F13A1: variants seen among roughly 807,000 people sequenced by gnomAD.
The protein encoded by F13A1 is coagulation factor XIII A chain.
F13A1 carries 47 observed loss-of-function variants against 80.1 expected under a neutral mutation model. The observed-to-expected ratio is 0.59, with a 90% CI of 0.46 to 0.75. F13A1 has a LOEUF of 0.75. Among genes scored for constraint, F13A1 ranks in the 30% least tolerant of loss-of-function variants. The pLI, the probability that F13A1 is intolerant of heterozygous loss-of-function variation, is 0.00. For missense variants in F13A1, 817 were observed against 930.4 expected (o/e 0.88, Z 1.59); for synonymous variants, 349 against 344.9 (o/e 1.01, Z -0.13).
intron 3 of F13A1, among the ~76,000 whole-genome samples, chr6:6,285,118 G>A (rs182467677): frequency 1.2e-4 from 19 of 152,210 alleles, no homozygotes; most frequent in Non-Finnish European, 1.9e-4. Flanking sequence ...GCCTGGTGGC[G>A]GGCACCTGTA....
intron 14 of F13A1, 48 bp from the exon 15 acceptor site, chr6:6,145,820 C>G: frequency 6.2e-7 from 1 of 1,613,494 alleles, no homozygotes; most frequent in Non-Finnish European, 8.5e-7. Context: ...CAGCTTTCCA[C>G]TTTGATCAGG....
chr6:6,296,343 G>T (rs1758327504), intron 3 of F13A1, among the ~76,000 whole-genome samples: 1 of 148,488 alleles, frequency 6.7e-6, no homozygotes, highest in South Asian at 2.1e-4. Flanking sequence ...GGGCAGTATG[G>T]CCATTTTCAC....
intron 10 of F13A1, among the ~76,000 whole-genome samples, chr6:6,186,175 C>T (rs1761077340): frequency 1.3e-5 from 2 of 149,230 alleles, no homozygotes; most frequent in Non-Finnish European, 3.0e-5. Context: ...TGTAGGTTGC[C>T]TGTTCACTCT....
At chr6:6,170,930 C>T (rs920464581) in intron 12 of F13A1, among the ~76,000 whole-genome samples, 1 of 152,172 alleles carries the variant, frequency 6.6e-6, no homozygotes, top group African/African-American at 2.4e-5. Context: ...CTCCAGTTCC[C>T]TTCAAGTTAT....
intron 3 of F13A1, among the ~76,000 whole-genome samples, chr6:6,296,974 C>G (rs1758338669): frequency 2.7e-5 from 4 of 146,454 alleles, no homozygotes; most frequent in African/African-American, 8.1e-5. Context: ...TGAATTTTGT[C>G]AAAGGCCTTT....
chr6:6,318,761 G>C, intron 1 of F13A1, 79 bp from the exon 2 acceptor site: 1 of 1,472,292 alleles, frequency 6.8e-7, no homozygotes, highest in East Asian at 2.3e-5. Flanking sequence ...TTCCAAAATA[G>C]AGAAACAGAT....
At position 6,145,613 on chromosome 6, in the gene F13A1, G is replaced by T; in HGVS notation, c.*6C>A. ...ATGCCAGGGTTCATCTCAGCTTCCT[G>T]TGCATTCACATGGAAGGTCGTCTTT... On this transcript the variant is annotated 3_prime_UTR_variant, in exon 15 of 15. Transcript: ENST00000264870. 3 of 1,614,108 alleles carry T rather than the reference G, an allele frequency of 1.9e-6. No homozygotes were observed. In the South Asian group the frequency reaches 3.3e-5, roughly 18 times the overall value.
chr6:6,172,108 C>G (rs566604707), intron 12 of F13A1, among the ~76,000 whole-genome samples: 4 of 152,282 alleles, frequency 2.6e-5, no homozygotes, highest in Non-Finnish European at 5.9e-5. Flanking sequence ...AAAACAGAAC[C>G]TGGACTTGCA....
chr6:6,294,579 C>T (rs1411846796), intron 3 of F13A1, among the ~76,000 whole-genome samples: 2 of 151,912 alleles, frequency 1.3e-5, no homozygotes, highest in African/African-American at 4.8e-5. Flanking sequence ...TACAAACACA[C>T]ACACACACAT....
chr6:6,246,678 G>A (rs1475785993), intron 6 of F13A1, among the ~76,000 whole-genome samples: 1 of 152,118 alleles, frequency 6.6e-6, no homozygotes, highest in Non-Finnish European at 1.5e-5. Flanking sequence ...AACAGCTTCC[G>A]CTTAGCCAGC....
intron 10 of F13A1, among the ~76,000 whole-genome samples, chr6:6,182,389 A>G (rs1488356536): frequency 6.6e-6 from 1 of 152,152 alleles, no homozygotes; most frequent in Non-Finnish European, 1.5e-5. Flanking sequence ...AGAAGCAACC[A>G]TTTTTCTCCC....
chr6:6,218,483 G>A (rs1178923261), intron 8 of F13A1, among the ~76,000 whole-genome samples: 5 of 152,186 alleles, frequency 3.3e-5, no homozygotes, highest in South Asian at 2.1e-4. Flanking sequence ...GGGGACAGGC[G>A]GCCGAAATTG....
intron 5 of F13A1, among the ~76,000 whole-genome samples, chr6:6,249,895 A>G (rs949924051): frequency 6.6e-6 from 1 of 152,308 alleles, no homozygotes; most frequent in East Asian, 1.9e-4. Context: ...AGCACTGGGC[A>G]TGTAATTCTC....
intron 11 of F13A1, among the ~76,000 whole-genome samples, chr6:6,177,403 T>G (rs1350813538): frequency 1.3e-5 from 2 of 152,206 alleles, no homozygotes; most frequent in Non-Finnish European, 2.9e-5. Flanking sequence ...TACTAGTTAC[T>G]GTGTGACATT....
intron 8 of F13A1, among the ~76,000 whole-genome samples, chr6:6,199,299 T>C (rs62408015): frequency 3.3e-5 from 5 of 151,922 alleles, no homozygotes; most frequent in South Asian, 2.1e-4. Context: ...ACCATCCTGG[T>C]TAACACGGTG....
rs569234536 is a variant in F13A1, at chr6:6,212,079, C to A, written c.1112+9954G>T. Among the ~76,000 whole-genome samples, 6 of 152,358 alleles carry A rather than the reference C, an allele frequency of 3.9e-5. No individual in the cohort carries two copies. The East Asian group carries it at 1.2e-3, about 29-fold the overall frequency. The stretch of plus-strand genomic sequence containing the variant: ...AGCACAGCAGTCTGAGATCAAACAG[C>A]AAAGCAGCAGCAAGGCTGGCGGAGG... On this transcript the variant is annotated intron_variant, in intron 8 of 14. Transcript: ENST00000264870.
At chr6:6,287,349 TAC>T (rs1318571760) in intron 3 of F13A1, among the ~76,000 whole-genome samples, 2 of 152,160 alleles carry the variant, frequency 1.3e-5, no homozygotes, top group African/African-American at 4.8e-5. Context: ...TCTGGTGGAG[TAC>T]AGTTTCAATT....
intron 6 of F13A1, among the ~76,000 whole-genome samples, chr6:6,228,100 G>A (rs1290342095): frequency 6.6e-6 from 1 of 152,156 alleles, no homozygotes; most frequent in Non-Finnish European, 1.5e-5. Flanking sequence ...CTCAGGGTTT[G>A]ACCAGTGGCA....
chr6:6,281,970 G>A (rs1758072248), intron 3 of F13A1, among the ~76,000 whole-genome samples: 1 of 140,686 alleles, frequency 7.1e-6, no homozygotes, highest in African/African-American at 2.7e-5. Flanking sequence ...CTCCAGCCTG[G>A]GCGACAGAGT....
Sources: allele counts gnomAD v4.1 joint callset (sites outside exome capture counted in the v4.1 genomes callset), GRCh38; gene constraint gnomAD v4.1.1; transcripts MANE v1.5; gene names NCBI Gene and HGNC (gene_info 2026-07-23, HGNC 2026-07-21).